USP48: variants seen among roughly 807,000 people sequenced by gnomAD.
USP48 encodes ubiquitin specific peptidase 48.
In USP48, 43 loss-of-function variants were observed where a neutral mutation model predicts 150.7. The observed-to-expected ratio is 0.29, with a 90% CI of 0.22 to 0.37. USP48 has a LOEUF of 0.37. Ranked by LOEUF, USP48 falls within the 10% of genes least tolerant of loss-of-function variation. USP48 has a pLI of 1.00. For synonymous variants in USP48, 396 were observed against 425.9 expected, an observed-to-expected ratio of 0.93 and a Z score of 0.86; for missense variants, 813 against 1,249.6, an observed-to-expected ratio of 0.65 and a Z score of 5.27.
intron 11 of USP48, among the ~76,000 whole-genome samples, chr1:21,727,332 T>C (rs1049335276): frequency 5.9e-5 from 9 of 152,194 alleles, no homozygotes; most frequent in Admixed American, 5.2e-4. Context: ...TTGGTAAAAG[T>C]ATAAATAACA....
intron 20 of USP48, among the ~76,000 whole-genome samples, chr1:21,703,827 G>T (rs2097664496): frequency 6.6e-6 from 1 of 152,154 alleles, no homozygotes; most frequent in African/African-American, 2.4e-5. Flanking sequence ...AAGCTTCTGG[G>T]CTCAAGCCAT....
chr1:21,703,130 A>G (rs1463089592), intron 21 of USP48, among the ~76,000 whole-genome samples: 1 of 152,172 alleles, frequency 6.6e-6, no homozygotes, highest in Non-Finnish European at 1.5e-5. Flanking sequence ...GACCCTGCTA[A>G]AGTTCCTTCA....
At position 21,706,489 on chromosome 1, in the gene USP48, G is replaced by A. The variant is rs763911314; in HGVS notation, c.2189C>T (p.Pro730Leu). 1 of 1,614,096 alleles carries A rather than the reference G, an allele frequency of 6.2e-7. No individual in the cohort carries two copies. The highest frequency in any genetic ancestry group is 8.5e-7 in the Non-Finnish European group (1 of 1,180,000). ...LPNLFQDKNR[P>L]CLSNWPEDTD... ...TACCTCTGGCCAGTTACTGAGACAC[G>A]GTCTGTTTTTATCCTGGAACAAATT... is the stretch of plus-strand genomic sequence containing the variant. The change falls in exon 17 of 27, where the codon CCG becomes CTG. Residue 730 changes from proline (P) to leucine (L), a missense_variant. Transcript: ENST00000308271.
intron 1 of USP48, among the ~76,000 whole-genome samples, chr1:21,779,833 T>C (rs2097910098): frequency 6.6e-6 from 1 of 152,128 alleles, no homozygotes. Context: ...AACTCATTAG[T>C]CACTAGGAAA....
Position 21,736,531 on chromosome 1 carries a change from C to CTGTGGATCT in USP48, c.1077_1085dup (p.Asp360_Gln362dup). 1 of 1,600,604 alleles carries CTGTGGATCT rather than the reference C, an allele frequency of 6.2e-7. No homozygotes were observed. The highest frequency in any genetic ancestry group is 8.5e-7 in the Non-Finnish European group (1 of 1,175,840). ...CATTAAACTTATACCATTCACCAGACTGTGGATCTTTCACGTGGGCGATGT... is the reference window on the plus strand; with the variant it reads ...CATTAAACTTATACCATTCACCAGACTGTGGATCTTGTGGATCTTTCACGTGGGCGATGT... On this transcript the variant is annotated inframe_insertion, in exon 9 of 27. Coordinates refer to ENST00000308271, the MANE Select transcript of USP48 (RefSeq NM_032236.8).
chr1:21,738,824 A>G (rs1301368028), intron 8 of USP48, among the ~76,000 whole-genome samples: 1 of 152,168 alleles, frequency 6.6e-6, no homozygotes, highest in Non-Finnish European at 1.5e-5. Context: ...TCAGGCATGA[A>G]GGATACAGCA....
intron 22 of USP48, 101 bp from the exon 23 acceptor site, chr1:21,695,322 T>C: frequency 4.0e-6 from 5 of 1,248,870 alleles, no homozygotes; most frequent in Non-Finnish European, 5.4e-6. Context: ...TCCTTATTGG[T>C]CCCTTAACTA....
At chr1:21,767,076 A>G (rs1572030918) in intron 1 of USP48, among the ~76,000 whole-genome samples, 1 of 152,130 alleles carries the variant, frequency 6.6e-6, no homozygotes, top group Admixed American at 6.5e-5. Context: ...AAAAACAAAA[A>G]ACAAGAACAA....
In USP48 at chr1:21,716,803, T is replaced by C. The variant is rs944236264; in HGVS notation, c.1895-1346A>G. Among the ~76,000 whole-genome samples the C allele has an allele frequency of 1.3e-4, 20 of 149,750 alleles. 1 individual carries two copies. The highest frequency in any genetic ancestry group is 6.6e-4 in the Admixed American group (10 of 15,088). ...CAGCACTTTGGGAGGCTGAGGCGGGTGGATCACGAGATCAGGAGATCGAGA... is the reference window on the plus strand; with the variant it reads ...CAGCACTTTGGGAGGCTGAGGCGGGCGGATCACGAGATCAGGAGATCGAGA... On this transcript the variant is annotated intron_variant, in intron 14 of 26. Transcript: ENST00000308271.
intron 25 of USP48, among the ~76,000 whole-genome samples, chr1:21,683,531 C>T (rs905210451): frequency 1.3e-5 from 2 of 152,062 alleles, no homozygotes; most frequent in African/African-American, 4.8e-5. Flanking sequence ...ACCACAGGTG[C>T]GAGCCACCAT....
At chr1:21,703,286 C>T (rs1336795546) in intron 21 of USP48, among the ~76,000 whole-genome samples, 1 of 152,218 alleles carries the variant, frequency 6.6e-6, no homozygotes, top group African/African-American at 2.4e-5. Flanking sequence ...TGGAACACAG[C>T]TGACATTCAG....
At chr1:21,745,432 T>TA (rs1011442751) in intron 8 of USP48, among the ~76,000 whole-genome samples, 4 of 151,762 alleles carry the variant, frequency 2.6e-5, no homozygotes, top group Non-Finnish European at 5.9e-5. Flanking sequence ...AAAAAATAAC[T>TA]AAAAATTAGC....
intron 8 of USP48, among the ~76,000 whole-genome samples, chr1:21,744,015 T>A (rs541583109): frequency 6.6e-6 from 1 of 152,168 alleles, no homozygotes; most frequent in African/African-American, 2.4e-5. Context: ...ATTCCCTATA[T>A]CATTAATGAA....
chr1:21,748,708 C>A (rs747857673), intron 6 of USP48, among the ~76,000 whole-genome samples: 1 of 152,194 alleles, frequency 6.6e-6, no homozygotes, highest in Non-Finnish European at 1.5e-5. Context: ...GCCAGGAATT[C>A]GAGACCGGCC....
chr1:21,766,042 G>A lies in USP48; in HGVS notation c.135-8259C>T, dbSNP rs75315913. 7.1e-3 allele frequency among the ~76,000 whole-genome samples: 1,069 copies of A among 151,198 alleles called. 11 individuals carry two copies. The highest frequency in any genetic ancestry group is 0.025 in the African/African-American group (1,006 of 41,042). ...ATGCAACAGGCAAGAAAGGAAAGGAGAAATCTGGAATGATGCCCAAAATTG... is the reference window on the plus strand; with the variant it reads ...ATGCAACAGGCAAGAAAGGAAAGGAAAAATCTGGAATGATGCCCAAAATTG... On this transcript the variant is annotated intron_variant, in intron 1 of 26. Transcript: ENST00000308271.
intron 1 of USP48, among the ~76,000 whole-genome samples, chr1:21,780,061 C>T (rs1159301210): frequency 6.6e-6 from 1 of 152,154 alleles, no homozygotes; most frequent in African/African-American, 2.4e-5. Context: ...ATTCCACTCC[C>T]AGGTAAAGAA....
Position 21,706,114 on chromosome 1 carries a change from T to A in USP48, c.2273+12A>T. Reference sequence around the variant, plus strand: ...GTAACAATAAAGGAAATAAAACATATTTTGTTTCTACCTAACAAATTTCCG... The same window carrying A: ...GTAACAATAAAGGAAATAAAACATAATTTGTTTCTACCTAACAAATTTCCG... On this transcript the variant is annotated intron_variant, in intron 18 of 26. Transcript: ENST00000308271. 6.2e-7 allele frequency: 1 copy of A among 1,612,368 alleles called. No homozygotes were observed. The highest frequency in any genetic ancestry group is 8.5e-7 in the Non-Finnish European group (1 of 1,178,820).
At chr1:21,780,226 G>A (rs1425457518) in intron 1 of USP48, among the ~76,000 whole-genome samples, 3 of 152,198 alleles carry the variant, frequency 2.0e-5, no homozygotes, top group South Asian at 2.1e-4. Context: ...CTACTCAGCC[G>A]TAAGGAATAA....
intron 9 of USP48, among the ~76,000 whole-genome samples, chr1:21,734,165 C>T (rs1034188209): frequency 6.6e-6 from 1 of 152,150 alleles, no homozygotes; most frequent in African/African-American, 2.4e-5. Flanking sequence ...TTTGGGAGGC[C>T]AAGTGCAAGG....
Sources: gnomAD v4.1 joint callset for allele counts (sites outside exome capture counted in the v4.1 genomes callset) on GRCh38, gnomAD v4.1.1 for gene constraint, MANE v1.5 for transcripts, NCBI Gene and HGNC (gene_info 2026-07-23, HGNC 2026-07-21) for gene names.